GPHN: variants seen among roughly 807,000 people sequenced by gnomAD.
The protein encoded by GPHN is gephyrin.
Under a neutral mutation model 95.5 loss-of-function variants are expected in GPHN, and 17 were observed. That is an observed-to-expected ratio of 0.18 (90% CI 0.12 to 0.27). The LOEUF (loss-of-function observed/expected upper bound fraction) is 0.27. GPHN is among the 10% of genes least tolerant of loss of function. The probability of loss-of-function intolerance (pLI) is 1.00; values close to 1 mark genes in which losing one functional copy is unlikely to be tolerated. For missense variants in GPHN, 660 were observed against 978.1 expected, an observed-to-expected ratio of 0.67 and a Z score of 4.34; for synonymous variants, 320 against 322.5, an observed-to-expected ratio of 0.99 and a Z score of 0.08.
the GPHN span, chr14:67,302,557 GT>G: frequency 6.6e-7 from 1 of 1,517,900 alleles, no homozygotes; most frequent in Non-Finnish European, 8.8e-7. Context: ...TGTCAATGAG[GT>G]TTTTGACTTG....
At chr14:67,633,737 C>T in the GPHN span, among the ~76,000 whole-genome samples, 16 of 152,318 alleles carry the variant, frequency 1.1e-4, no homozygotes, top group South Asian at 1.0e-3. Flanking sequence ...CGGCTCCTGC[C>T]GCATCTCTTT....
At chr14:66,668,563 G>A (rs2153382606) in intron 1 of GPHN, among the ~76,000 whole-genome samples, 1 of 152,272 alleles carries the variant, frequency 6.6e-6, no homozygotes, top group East Asian at 1.9e-4. Context: ...TTCTTACTTA[G>A]GAATGGGAAC....
chr14:67,493,975 C>T, the GPHN span, among the ~76,000 whole-genome samples: 5 of 152,114 alleles, frequency 3.3e-5, no homozygotes, highest in African/African-American at 1.2e-4. Context: ...CCATCTGAAC[C>T]AATCGGTACT....
chr14:67,374,621 C>T, the GPHN span: 26 of 934,086 alleles, frequency 2.8e-5, no homozygotes, highest in East Asian at 2.5e-5. Flanking sequence ...TAATTTCATA[C>T]TGCTACTACC....
chr14:67,248,857 AC>A, the GPHN span, among the ~76,000 whole-genome samples: 2 of 152,164 alleles, frequency 1.3e-5, no homozygotes, highest in Non-Finnish European at 2.9e-5. Context: ...ATGGGGTCTC[AC>A]TGTGTTGCTC....
intron 3 of GPHN, among the ~76,000 whole-genome samples, chr14:66,791,699 CTG>C (rs2059975782): frequency 6.6e-6 from 1 of 152,214 alleles, no homozygotes; most frequent in African/African-American, 2.4e-5. Context: ...CTAGAGGTCA[CTG>C]TCATTGCCAT....
chr14:67,167,604 C>T (rs1056487528), intron 20 of GPHN, among the ~76,000 whole-genome samples: 5 of 152,002 alleles, frequency 3.3e-5, no homozygotes, highest in Non-Finnish European at 5.9e-5. Flanking sequence ...GCTAAACTGA[C>T]CATTGCCTTT....
intron 1 of GPHN, among the ~76,000 whole-genome samples, chr14:66,624,046 G>A (rs779617760): frequency 1.2e-4 from 18 of 152,110 alleles, no homozygotes; most frequent in Admixed American, 2.6e-4. Flanking sequence ...TGTCCTTATC[G>A]TCCTTTTCCA....
At chr14:67,160,728 C>T (rs2153718812) in intron 19 of GPHN, among the ~76,000 whole-genome samples, 1 of 152,296 alleles carries the variant, frequency 6.6e-6, no homozygotes, top group Admixed American at 6.5e-5. Context: ...AGAGGCTTCT[C>T]AGTTGTTGTA....
At chr14:67,111,572 ATTAG>A (rs1778749209) in intron 14 of GPHN, among the ~76,000 whole-genome samples, 1 of 152,192 alleles carries the variant, frequency 6.6e-6, no homozygotes, top group Admixed American at 6.5e-5. Flanking sequence ...TATATAATGT[ATTAG>A]TTCAAATATT....
the GPHN span, among the ~76,000 whole-genome samples, chr14:67,511,377 T>C: frequency 1.3e-5 from 2 of 152,098 alleles, no homozygotes; most frequent in Non-Finnish European, 2.9e-5. Context: ...AAAACTGTCA[T>C]GCTTCTAGAA....
Position 66,850,168 on chromosome 14 carries a change from A to T in GPHN, c.294+25602A>T, listed in dbSNP as rs373931378. On this transcript the variant is annotated intron_variant, in intron 4 of 22. Coordinates refer to ENST00000478722, the MANE Select transcript of GPHN (RefSeq NM_020806.5). ...TAGAATTAATGGTCTATTCATAGATATAAGCCCTGGAAAATAATGTATAAT... is the reference window on the plus strand; with the variant it reads ...TAGAATTAATGGTCTATTCATAGATTTAAGCCCTGGAAAATAATGTATAAT... 3.3e-5 allele frequency among the ~76,000 whole-genome samples: 5 copies of T among 152,170 alleles called. No individual in the cohort carries two copies. The East Asian group carries it at 7.7e-4, about 23-fold the overall frequency.
At chr14:67,708,639 A>G in the GPHN span, among the ~76,000 whole-genome samples, 1 of 152,202 alleles carries the variant, frequency 6.6e-6, no homozygotes, top group East Asian at 1.9e-4. Flanking sequence ...GGAGTTTCCC[A>G]TGATTTTGGA....
the GPHN span, among the ~76,000 whole-genome samples, chr14:67,516,625 C>A: frequency 8.1e-6 from 1 of 123,386 alleles, no homozygotes; most frequent in South Asian, 2.6e-4. Context: ...CCTGTGTCTT[C>A]CCCTAATTGT....
chr14:66,574,905 T>G (rs910723983), intron 1 of GPHN, among the ~76,000 whole-genome samples: 2 of 152,202 alleles, frequency 1.3e-5, no homozygotes, highest in Admixed American at 6.5e-5. Flanking sequence ...TGTCCTATGT[T>G]TTCAGGCTGT....
chr14:66,659,048 T>G (rs942289262), intron 1 of GPHN, among the ~76,000 whole-genome samples: 4 of 151,970 alleles, frequency 2.6e-5, no homozygotes, highest in African/African-American at 9.7e-5. Context: ...TTGAGACTTT[T>G]ACTGTTTTCA....
At chr14:66,787,622 G>A (rs910619580) in intron 3 of GPHN, among the ~76,000 whole-genome samples, 1 of 151,970 alleles carries the variant, frequency 6.6e-6, no homozygotes, top group African/African-American at 2.4e-5. Context: ...TATTGGCAGA[G>A]AAATAAAAAC....
chr14:67,408,509 A>C, the GPHN span, among the ~76,000 whole-genome samples: 3 of 152,222 alleles, frequency 2.0e-5, no homozygotes, highest in African/African-American at 7.2e-5. Flanking sequence ...AAATGAAGTC[A>C]CCCTAGACTA....
At chr14:66,674,966 G>A (rs939413626) in intron 1 of GPHN, among the ~76,000 whole-genome samples, 7 of 151,916 alleles carry the variant, frequency 4.6e-5, no homozygotes, top group East Asian at 1.9e-4. Context: ...TCTCTTCGTC[G>A]TCACCAGCAT....
Sources: allele counts gnomAD v4.1 joint callset (sites outside exome capture counted in the v4.1 genomes callset), GRCh38; gene constraint gnomAD v4.1.1; transcripts MANE v1.5; gene names NCBI Gene and HGNC (gene_info 2026-07-23, HGNC 2026-07-21).